The following SYNRG variants were observed in gnomAD, a reference collection of about 807,000 sequenced individuals.
SYNRG encodes the protein AP1 gamma subunit binding protein 1.
Under a neutral mutation model 130.9 loss-of-function variants are expected in SYNRG, and 37 were observed. The ratio of observed to expected loss-of-function variants is 0.28; its 90% CI spans 0.22 to 0.37. The LOEUF is 0.37. SYNRG is among the 10% of genes least tolerant of loss of function. SYNRG has a pLI of 1.00. For missense variants in SYNRG, 1,338 were observed against 1,588.9 expected (o/e 0.84, Z 2.68); for synonymous variants, 539 against 568.1 (o/e 0.95, Z 0.73).
At chr17:37,580,510 TGAGAGAGAGA>T (rs71135748) in intron 6 of SYNRG, among the ~76,000 whole-genome samples, 11 of 127,718 alleles carry the variant, frequency 8.6e-5, no homozygotes, top group Non-Finnish European at 1.2e-4. Context: ...TGTGTGTGTG[TGAGAGAGAGA>T]GAGAGAGAGA....
chr17:37,589,022 A>G (rs1454228308), intron 3 of SYNRG, among the ~76,000 whole-genome samples: 1 of 152,234 alleles, frequency 6.6e-6, no homozygotes, highest in Non-Finnish European at 1.5e-5. Context: ...GTTAAGAGAT[A>G]CTAGTCTTTA....
At chr17:37,525,987 G>A (rs1035447677) in intron 19 of SYNRG, among the ~76,000 whole-genome samples, 1 of 151,932 alleles carries the variant, frequency 6.6e-6, no homozygotes. Context: ...AAAACAATTG[G>A]CCGGACGTGG....
At position 37,599,007 on chromosome 17, in the gene SYNRG, C is replaced by T. The variant is rs934112838; in HGVS notation, c.118+1356G>A. Among the ~76,000 whole-genome samples, 18 of 152,326 alleles carry T rather than the reference C, an allele frequency of 1.2e-4. No individual in the cohort carries two copies. The East Asian group carries it at 3.3e-3, about 28-fold the overall frequency. On this transcript the variant is annotated intron_variant, in intron 2 of 21. Coordinates refer to ENST00000612223, the MANE Select transcript of SYNRG (RefSeq NM_007247.6). Reference sequence around the variant, plus strand: ...TACAACTGAGCCTTGGAAAAACTTACCTGAAACCCAACCACCATCACTGAT... The same window carrying T: ...TACAACTGAGCCTTGGAAAAACTTATCTGAAACCCAACCACCATCACTGAT...
intron 18 of SYNRG, 59 bp from the exon 19 acceptor site, chr17:37,536,186 CAG>C (rs2057176547): frequency 3.3e-6 from 5 of 1,532,440 alleles, no homozygotes; most frequent in Non-Finnish European, 4.4e-6. Context: ...AGGACCCAGA[CAG>C]GGGAGCATTA....
intron 1 of SYNRG, among the ~76,000 whole-genome samples, chr17:37,604,892 T>G (rs189173596): frequency 6.6e-6 from 1 of 152,186 alleles, no homozygotes; most frequent in Admixed American, 6.5e-5. Flanking sequence ...AGCTGGTAGG[T>G]AGAGCAGTCA....
chr17:37,600,694 A>C (rs902240904), intron 1 of SYNRG: 5 of 519,510 alleles, frequency 9.6e-6, no homozygotes, highest in Non-Finnish European at 1.7e-5. Flanking sequence ...AAAATGAGAG[A>C]GTTTAGATTC....
At chr17:37,587,573 C>A (rs1357422330) in intron 3 of SYNRG, among the ~76,000 whole-genome samples, 1 of 152,206 alleles carries the variant, frequency 6.6e-6, no homozygotes, top group Admixed American at 6.5e-5. Context: ...ATTTTAATTT[C>A]TCACTAACAG....
At chr17:37,593,799 G>A (rs966562434) in intron 3 of SYNRG, among the ~76,000 whole-genome samples, 11 of 151,060 alleles carry the variant, frequency 7.3e-5, no homozygotes, top group Admixed American at 2.0e-4. Flanking sequence ...CAGGAGAATC[G>A]CTTGAACCTG....
chr17:37,591,066 T>A (rs1466252217), intron 3 of SYNRG, among the ~76,000 whole-genome samples: 1 of 152,166 alleles, frequency 6.6e-6, no homozygotes, highest in Non-Finnish European at 1.5e-5. Flanking sequence ...TGACTACCCA[T>A]ATTAAAAAAT....
chr17:37,584,854 T>G, intron 5 of SYNRG, 95 bp from the exon 6 acceptor site: 1 of 920,750 alleles, frequency 1.1e-6, no homozygotes, highest in South Asian at 1.7e-5. Flanking sequence ...TTCATCTATT[T>G]CCAATATTTT....
chr17:37,566,784 G>C (rs1267850535), intron 11 of SYNRG: 1 of 152,100 alleles, frequency 6.6e-6, no homozygotes, highest in Non-Finnish European at 1.5e-5. Flanking sequence ...TCTACAAACA[G>C]TTTTGCTCAG....
rs988283415 is a variant in SYNRG, at chr17:37,517,078, G to C, written c.*1862C>G. On this transcript the variant is annotated 3_prime_UTR_variant, in exon 22 of 22. Coordinates refer to ENST00000612223, the MANE Select transcript of SYNRG (RefSeq NM_007247.6). Reference sequence around the variant, plus strand: ...AAAAATACAAAATTAGCTGGGCGTGGTGGTGCACGCCTGTAATCCCAGCTA... The same window carrying C: ...AAAAATACAAAATTAGCTGGGCGTGCTGGTGCACGCCTGTAATCCCAGCTA... 3 of 152,446 alleles carry C rather than the reference G, an allele frequency of 2.0e-5. No homozygotes were observed. Among genetic ancestry groups the C allele is most frequent in the African/African-American group, 7.2e-5 (3 of 41,550 alleles). 9.4% of individuals were successfully genotyped at this position (152,446 alleles called of 1,614,324 possible).
In SYNRG at chr17:37,571,940, C is replaced by G. The variant is rs2060465409; in HGVS notation, c.949G>C (p.Asp317His). Residue 317 changes from aspartate (D) to histidine (H), a missense_variant, in exon 9 of 22, where the codon GAT becomes CAT. Coordinates refer to ENST00000612223, the MANE Select transcript of SYNRG (RefSeq NM_007247.6). Reference sequence around the variant, plus strand: ...AGAATGGGATACAGTTTGGCAGTATCTATTCCAGTTGGAGTCATTGTGGTT... The same window carrying G: ...AGAATGGGATACAGTTTGGCAGTATGTATTCCAGTTGGAGTCATTGTGGTT... ...LETTMTPTGIDTAKLYPILMS... is the reference protein window; with the variant it reads ...LETTMTPTGIHTAKLYPILMS... 2 of 1,614,084 alleles carry G rather than the reference C, an allele frequency of 1.2e-6. No individual in the cohort carries two copies. Among genetic ancestry groups the G allele is most frequent in the Non-Finnish European group, 1.7e-6 (2 of 1,180,002 alleles).
Position 37,585,467 on chromosome 17 carries a change from G to A in SYNRG, c.372-37C>T, listed in dbSNP as rs112894071. On this transcript the variant is annotated intron_variant, in intron 4 of 21. Transcript: ENST00000612223. ...ATGATCTAATAAAGAACCAGCTCCC[G>A]GGATTATACACTGTGTTTTATATTC... 5,497 of 1,406,472 alleles carry A rather than the reference G, an allele frequency of 3.9e-3. 37 individuals are homozygous for A. In the Middle Eastern group the frequency reaches 0.049, roughly 13 times the overall value. The allele number at this position is 1,406,472 out of a possible 1,614,324, so 87.1% of individuals were successfully genotyped here.
At position 37,542,520 on chromosome 17, in the gene SYNRG, T is replaced by C. The variant is rs1410489597; in HGVS notation, c.2654A>G (p.Asn885Ser). Reference protein sequence around the residue: ...KYAAFGSYSSNFAVSTLTSYD... With the variant: ...KYAAFGSYSSSFAVSTLTSYD... ...GCTTGTAAGTGTGCTCACTGCAAAA[T>C]TGCTACTGTAGCTTCCAAAAGCAGC... Residue 885 changes from asparagine (N) to serine (S), a missense_variant, in exon 15 of 22, where the codon AAT becomes AGT. Physicochemically the swap from Asn to Ser is conservative, Grantham distance 46 (BLOSUM62 1). Transcript: ENST00000612223. 6.2e-7 allele frequency: 1 copy of C among 1,612,916 alleles called. No individual in the cohort carries two copies. Among genetic ancestry groups the C allele is most frequent in the Non-Finnish European group, 8.5e-7 (1 of 1,180,010 alleles).
At position 37,542,331 on chromosome 17, in the gene SYNRG, G is replaced by A. The variant is rs200717227; in HGVS notation, c.2843C>T (p.Thr948Met). Residue 948 changes from threonine to methionine, a missense_variant, in exon 15 of 22, where the codon ACG (threonine) becomes ATG (methionine). Physicochemically the swap from Thr to Met is moderately conservative, Grantham distance 81. This residue lies in a region of SYNRG where 1,146 missense variants were observed against 1,342.3 expected (regional missense o/e 0.85). Transcript: ENST00000612223. ...NITMTSLSKV[T>M]TFVSEDALPE... is the part of the protein sequence containing the mutation. ...AAGAGCATCTTCACTTACAAAGGTC[G>A]TTACTTTGGAGAGAGATGTCATGGT... 5.8e-5 allele frequency: 93 copies of A among 1,614,086 alleles called. No individual in the cohort carries two copies. Among genetic ancestry groups the A allele is most frequent in the Non-Finnish European group, 6.9e-5 (82 of 1,180,040 alleles).
At chr17:37,542,713 G>A in intron 14 of SYNRG, 148 bp from the exon 15 acceptor site, 2 of 652,276 alleles carry the variant, frequency 3.1e-6, no homozygotes, top group Non-Finnish European at 5.0e-6. Context: ...AAAATTAAGA[G>A]TTGGGCTGTA....
intron 15 of SYNRG, chr17:37,541,709 A>G: frequency 1.9e-6 from 1 of 525,068 alleles, no homozygotes; most frequent in Non-Finnish European, 3.4e-6. Flanking sequence ...TTAACACAGC[A>G]CACCTCTAAC....
intron 2 of SYNRG, among the ~76,000 whole-genome samples, chr17:37,598,235 G>C (rs1019326516): frequency 1.3e-5 from 2 of 152,198 alleles, no homozygotes; most frequent in African/African-American, 4.8e-5. Flanking sequence ...AGGGGGAATG[G>C]AGTGGTTGCT....
Sources: allele counts gnomAD v4.1 joint callset (sites outside exome capture counted in the v4.1 genomes callset), GRCh38; gene constraint gnomAD v4.1.1; regional missense constraint gnomAD v4.1.1; transcripts MANE v1.5; gene names NCBI Gene and HGNC (gene_info 2026-07-23, HGNC 2026-07-21).